Variants in CCNH observed in about 807,000 individuals in gnomAD.
CCNH encodes cyclin-H.
CCNH carries 31 observed loss-of-function variants against 41.9 expected under a neutral mutation model. That is an observed-to-expected ratio of 0.74 (90% CI 0.56 to 1.00). The LOEUF is 1.00. CCNH is among the 50% of genes least tolerant of loss of function. CCNH has a pLI of 0.00. For synonymous variants in CCNH, 138 were observed against 136.1 expected, an observed-to-expected ratio of 1.01 and a Z score of -0.10; for missense variants, 362 against 388.4, an observed-to-expected ratio of 0.93 and a Z score of 0.57.
At chr5:87,379,137 T>G (rs561795645), upstream of CCNH, among the ~76,000 whole-genome samples, 31 of 152,308 alleles carry the variant, frequency 2.0e-4, no homozygotes, top group Admixed American at 5.9e-4. Flanking sequence ...CAATGGACAC[T>G]GGGACCTAGC....
intron 9 of CCNH, among the ~76,000 whole-genome samples, chr5:87,323,000 G>A (rs919663308): frequency 6.6e-6 from 1 of 152,132 alleles, no homozygotes; most frequent in Non-Finnish European, 1.5e-5. Flanking sequence ...AGATTCTTGG[G>A]AGAGCTTTGT....
intron 9 of CCNH, among the ~76,000 whole-genome samples, chr5:87,319,256 G>A (rs1756592197): frequency 6.6e-6 from 1 of 152,222 alleles, no homozygotes; most frequent in African/African-American, 2.4e-5. Flanking sequence ...GTGGGGTCTG[G>A]AGGATGATGG....
chr5:87,361,667 G>C (rs946835895), intron 9 of CCNH, among the ~76,000 whole-genome samples: 1 of 152,104 alleles, frequency 6.6e-6, no homozygotes, highest in Non-Finnish European at 1.5e-5. Context: ...AGCAATTAAT[G>C]TAAGTTCTGC....
At chr5:87,337,847 T>G in intron 9 of CCNH, 1 of 950,928 alleles carries the variant, frequency 1.1e-6, no homozygotes, top group Non-Finnish European at 1.5e-6. Flanking sequence ...AAATTTAGGG[T>G]GTTTGACTCT....
chr5:87,364,555 C>T (rs1178842421), intron 9 of CCNH, among the ~76,000 whole-genome samples: 2 of 151,868 alleles, frequency 1.3e-5, no homozygotes, highest in South Asian at 2.1e-4. Context: ...AGAGTTGTTC[C>T]AAAAAACACA....
chr5:87,412,759 G>A lies in CCNH; in HGVS notation c.36C>T (p.Thr12=), dbSNP rs746608462. The A allele has an allele frequency of 1.9e-6, 3 of 1,614,208 alleles. No homozygotes were observed. Among genetic ancestry groups the A allele is most frequent in the Non-Finnish European group, 2.5e-6 (3 of 1,180,038 alleles). ...TTGCCAGCTGCTCCTCGCTGGAGAA[G>A]GTCCAGTGCCGCTTCTGACTACTGT... ...YHNSSQKRHW[T]FSSEEQLARL... The change falls in exon 1 of 9, where the codon ACC becomes ACT. Residue 12 remains threonine, a synonymous_variant. Transcript: ENST00000256897.
intron 9 of CCNH, among the ~76,000 whole-genome samples, chr5:87,359,624 G>A (rs1011886512): frequency 6.6e-6 from 1 of 152,112 alleles, no homozygotes; most frequent in Non-Finnish European, 1.5e-5. Flanking sequence ...CTAATACTAA[G>A]TGCCATCACC....
At chr5:87,371,144 C>T (rs1204243774) in intron 9 of CCNH, among the ~76,000 whole-genome samples, 1 of 152,052 alleles carries the variant, frequency 6.6e-6, no homozygotes, top group African/African-American at 2.4e-5. Flanking sequence ...ACCATAATGA[C>T]ATTTCAGCAT....
chr5:87,368,199 C>A (rs1252130606), intron 9 of CCNH, among the ~76,000 whole-genome samples: 3 of 152,004 alleles, frequency 2.0e-5, no homozygotes, highest in Middle Eastern at 3.2e-3. Flanking sequence ...CTGTACCAAC[C>A]TATATATTTT....
intron 9 of CCNH, among the ~76,000 whole-genome samples, chr5:87,356,068 G>A (rs538694231): frequency 5.3e-5 from 8 of 152,226 alleles, no homozygotes; most frequent in East Asian, 1.9e-4. Flanking sequence ...TCCTGTGATC[G>A]CTACTGAAAT....
chr5:87,316,164 A>T (rs1053800586), downstream of CCNH, among the ~76,000 whole-genome samples: 2 of 152,232 alleles, frequency 1.3e-5, no homozygotes, highest in East Asian at 3.8e-4. Flanking sequence ...GTATAAATTT[A>T]AAGCAAATAT....
chr5:87,375,720 A>G (rs1361073210), downstream of CCNH, among the ~76,000 whole-genome samples: 1 of 152,184 alleles, frequency 6.6e-6, no homozygotes, highest in East Asian at 1.9e-4. Context: ...AACAGTTGAC[A>G]GTGAGATTTA....
chr5:87,398,580 GC>G (rs1052703610), intron 7 of CCNH, among the ~76,000 whole-genome samples: 3 of 152,094 alleles, frequency 2.0e-5, no homozygotes, highest in Admixed American at 1.3e-4. Context: ...AGCACAAATT[GC>G]CAATTTTATG....
intron 9 of CCNH, among the ~76,000 whole-genome samples, chr5:87,327,464 C>T (rs1232254361): frequency 6.6e-6 from 1 of 152,168 alleles, no homozygotes; most frequent in Non-Finnish European, 1.5e-5. Flanking sequence ...AATGTAAAGA[C>T]TTGGCCGTAA....
rs1226713450 is a variant in CCNH at position 87,409,378 on chromosome 5, A to G, written c.241-15T>C. 7.2e-7 allele frequency: 1 copy of G among 1,385,862 alleles called. No individual in the cohort carries two copies. Among genetic ancestry groups the G allele is most frequent in the Non-Finnish European group, 1.0e-6 (1 of 982,224 alleles). 85.8% of individuals were successfully genotyped at this position (1,385,862 alleles called of 1,614,324 possible). A position where few individuals can be genotyped will look rare whatever the true frequency, so the allele number is the denominator to read the frequency against. On this transcript the variant is annotated splice_polypyrimidine_tract_variant and intron_variant, in intron 2 of 8. Transcript: ENST00000256897. ...CAAGCCGTACCCTAAGGGTTAAAAA[A>G]AATATATCATCAGGATCTAGTCACA... is the stretch of plus-strand genomic sequence containing the variant.
In CCNH at chr5:87,360,879, GT is replaced by G. The variant is rs371131782; in HGVS notation, c.*90+31890del. Among the ~76,000 whole-genome samples the G allele has an allele frequency of 9.9e-5, 15 of 152,160 alleles. No homozygotes were observed. The East Asian group carries it at 1.7e-3, about 18-fold the overall frequency. On this transcript the variant is annotated intron_variant and NMD_transcript_variant, in intron 9 of 9. Transcript: ENST00000645953. ...AATTGTCAAACATCTTCCTGGATCAGTTTTTTTCTCTTTATCATTTATGAGC... is the reference window on the plus strand; with the variant it reads ...AATTGTCAAACATCTTCCTGGATCAGTTTTTTCTCTTTATCATTTATGAGC...
At position 87,333,261 on chromosome 5, in the gene CCNH, T is replaced by A. The variant is rs1327058521; in HGVS notation, c.*91-14364A>T. The A allele has an allele frequency of 1.9e-6, 3 of 1,612,730 alleles. No homozygotes were observed. The East Asian group carries it at 6.7e-5, about 36-fold the overall frequency. ...TTTTAAATCTTTTTTTTTTTATGGT[T>A]TCTAGCCAGTAGAAGATAGAAGGCG... On this transcript the variant is annotated intron_variant and NMD_transcript_variant, in intron 9 of 9. Transcript: ENST00000645953.
At chr5:87,378,497 G>A (rs1285858795), upstream of CCNH, 2 of 1,611,718 alleles carry the variant, frequency 1.2e-6, no homozygotes, top group East Asian at 2.2e-5. Context: ...TGCTTTGAAA[G>A]ACTCTATTTT....
downstream of CCNH, chr5:87,374,744 G>A: frequency 6.7e-7 from 1 of 1,499,536 alleles, no homozygotes. Context: ...TTTTTTTAAA[G>A]CAGAAATAGG....
Sources: gnomAD v4.1 joint callset for allele counts (sites outside exome capture counted in the v4.1 genomes callset) on GRCh38, gnomAD v4.1.1 for gene constraint, MANE v1.5 for transcripts, NCBI Gene and HGNC (gene_info 2026-07-23, HGNC 2026-07-21) for gene names.